The following HHIP variants were observed in gnomAD, a reference collection of about 807,000 sequenced individuals.
HHIP encodes the protein hedgehog interacting protein.
HHIP carries 12 observed loss-of-function variants against 74.0 expected under a neutral mutation model. The ratio of observed to expected loss-of-function variants is 0.16; its 90% CI spans 0.10 to 0.26. HHIP has a LOEUF of 0.26. HHIP is among the 10% of genes least tolerant of loss of function. HHIP has a pLI of 1.00. For missense variants in HHIP, 788 were observed against 845.0 expected (o/e 0.93, Z 0.84); for synonymous variants, 309 against 311.6 (o/e 0.99, Z 0.09).
intron 4 of HHIP, among the ~76,000 whole-genome samples, chr4:144,678,693 T>G (rs143758462): frequency 1.8e-4 from 27 of 152,312 alleles, no homozygotes; most frequent in African/African-American, 5.3e-4. Context: ...GTTTCCAGCT[T>G]CATCCATGTC....
At chr4:144,673,752 C>T (rs990764617) in intron 4 of HHIP, among the ~76,000 whole-genome samples, 5 of 152,128 alleles carry the variant, frequency 3.3e-5, no homozygotes, top group Non-Finnish European at 7.4e-5. Context: ...AAATAATTGA[C>T]CTTACTAATA....
At chr4:144,667,088 CT>C (rs1412957900) in intron 4 of HHIP, among the ~76,000 whole-genome samples, 1 of 152,188 alleles carries the variant, frequency 6.6e-6, no homozygotes, top group Non-Finnish European at 1.5e-5. Context: ...TGGTGGCTCA[CT>C]TCCAATCCCA....
chr4:144,689,832 G>A (rs371879551), intron 4 of HHIP, among the ~76,000 whole-genome samples: 43 of 151,458 alleles, frequency 2.8e-4, no homozygotes, highest in African/African-American at 8.7e-4. Flanking sequence ...TTTTTGAGAC[G>A]GAGTCTCGCC....
Position 144,735,005 on chromosome 4 carries a change from C to CAATACT in HHIP, c.1909+117_1909+118insATACTA, listed in dbSNP as rs1446528244. On this transcript the variant is annotated intron_variant, in intron 12 of 12. Transcript: ENST00000296575. ...AATATAGTGTTCAAAAGTATTTAGCCATTTACAATACTATTAATGCTCATC... is the reference window on the plus strand; with the variant it reads ...AATATAGTGTTCAAAAGTATTTAGCCAATACTATTTACAATACTATTAATGCTCATC... The CAATACT allele has an allele frequency of 1.5e-5, 14 of 929,730 alleles. No individual in the cohort carries two copies. In the African/African-American group the frequency reaches 2.3e-4, roughly 15 times the overall value. The allele number at this position is 929,730 out of a possible 1,614,324, so 57.6% of individuals were successfully genotyped here.
chr4:144,657,879 T>C (rs1246386744), intron 2 of HHIP, among the ~76,000 whole-genome samples: 1 of 152,208 alleles, frequency 6.6e-6, no homozygotes, highest in East Asian at 1.9e-4. Context: ...AAGGCACTTA[T>C]ATATTTGAAA....
chr4:144,732,034 T>C (rs939060333), intron 11 of HHIP, among the ~76,000 whole-genome samples: 11 of 152,118 alleles, frequency 7.2e-5, no homozygotes, highest in South Asian at 2.1e-4. Context: ...AAGTAAATGA[T>C]TGGACTTGAA....
At chr4:144,663,662 A>G (rs1728776980) in intron 4 of HHIP, among the ~76,000 whole-genome samples, 2 of 152,184 alleles carry the variant, frequency 1.3e-5, no homozygotes, top group South Asian at 2.1e-4. Flanking sequence ...CATATGAAAT[A>G]CCATTTGAAA....
At chr4:144,736,136 CTTT>C (rs36088965) in intron 12 of HHIP, among the ~76,000 whole-genome samples, 3 of 128,224 alleles carry the variant, frequency 2.3e-5, no homozygotes, top group Non-Finnish European at 3.2e-5. Flanking sequence ...TTTTCTGCAT[CTTT>C]TTTTTTTTTT....
intron 4 of HHIP, among the ~76,000 whole-genome samples, chr4:144,703,149 G>A (rs1231258037): frequency 1.3e-5 from 2 of 151,376 alleles, no homozygotes; most frequent in African/African-American, 4.9e-5. Context: ...AGGAGACGGA[G>A]ATTGCAGTGA....
intron 2 of HHIP, among the ~76,000 whole-genome samples, chr4:144,656,239 A>T (rs1458508711): frequency 1.3e-5 from 2 of 152,220 alleles, no homozygotes; most frequent in African/African-American, 4.8e-5. Flanking sequence ...CCATGTATTT[A>T]AGTAAAAATC....
chr4:144,719,047 G>A (rs966472813), intron 11 of HHIP, 91 bp downstream of exon 11: 23 of 816,352 alleles, frequency 2.8e-5, no homozygotes, highest in Non-Finnish European at 3.8e-5. Context: ...GTCACAATTA[G>A]CAATCAGCCA....
intron 4 of HHIP, among the ~76,000 whole-genome samples, chr4:144,687,857 A>G (rs1729532910): frequency 7.0e-6 from 1 of 143,320 alleles, no homozygotes; most frequent in African/African-American, 2.6e-5. Flanking sequence ...ACGGCTTTTA[A>G]CTTGTTAGGA....
intron 11 of HHIP, among the ~76,000 whole-genome samples, chr4:144,724,684 ATATATATATATAAG>A (rs1560721274): frequency 1.1e-5 from 1 of 94,628 alleles, no homozygotes; most frequent in African/African-American, 3.3e-5. Flanking sequence ...ATATATATTT[ATATATATATATAAG>A]TATATATATA....
chr4:144,724,420 C>T (rs967353132), intron 11 of HHIP, among the ~76,000 whole-genome samples: 5 of 151,836 alleles, frequency 3.3e-5, no homozygotes, highest in Non-Finnish European at 5.9e-5. Context: ...CTATTTCTCC[C>T]CTACTTGAAA....
At chr4:144,687,751 CTTTTTTTTTT>C (rs5862719) in intron 4 of HHIP, among the ~76,000 whole-genome samples, 6 of 73,468 alleles carry the variant, frequency 8.2e-5, no homozygotes, top group Middle Eastern at 0.014. Context: ...CTTTTGGCAA[CTTTTTTTTTT>C]TTTTTTTTTT....
chr4:144,690,650 C>T (rs1161435091), intron 4 of HHIP, among the ~76,000 whole-genome samples: 1 of 152,116 alleles, frequency 6.6e-6, no homozygotes, highest in Non-Finnish European at 1.5e-5. Context: ...GAGGTTAAGA[C>T]CATATTGTAA....
chr4:144,667,430 A>G (rs1473379004), intron 4 of HHIP, among the ~76,000 whole-genome samples: 2 of 152,238 alleles, frequency 1.3e-5, no homozygotes, highest in Non-Finnish European at 2.9e-5. Context: ...CATTCGCACC[A>G]AAATAATACG....
rs183186106 is a variant in HHIP at position 144,671,514 on chromosome 4, C to G, written c.831+11676C>G. ...TAGGTGACAGCATCAATTTTCAGAGCCTTTGATCTCTAATGGGTCGCATTC... is the reference window on the plus strand; with the variant it reads ...TAGGTGACAGCATCAATTTTCAGAGGCTTTGATCTCTAATGGGTCGCATTC... On this transcript the variant is annotated intron_variant, in intron 4 of 12. Coordinates refer to ENST00000296575, the MANE Select transcript of HHIP (RefSeq NM_022475.3). Among the ~76,000 whole-genome samples, 557 of 152,248 alleles carry G rather than the reference C, an allele frequency of 3.7e-3. 5 individuals carry two copies. Among genetic ancestry groups the G allele is most frequent in the African/African-American group, 0.012 (519 of 41,554 alleles).
chr4:144,659,185 G>T (rs1728633480), intron 3 of HHIP, among the ~76,000 whole-genome samples: 2 of 152,078 alleles, frequency 1.3e-5, no homozygotes, highest in African/African-American at 4.8e-5. Flanking sequence ...AATTTTATGG[G>T]TATAGTTTTA....
Sources: gnomAD v4.1 joint callset for allele counts (sites outside exome capture counted in the v4.1 genomes callset) on GRCh38, gnomAD v4.1.1 for gene constraint, MANE v1.5 for transcripts, NCBI Gene and HGNC (gene_info 2026-07-23, HGNC 2026-07-21) for gene names.